The following HPSE2 variants were observed in gnomAD, a reference collection of about 807,000 sequenced individuals.
HPSE2 encodes inactive heparanase-2.
In HPSE2, 38 loss-of-function variants were observed where a neutral mutation model predicts 60.5. The observed-to-expected ratio is 0.63, with a 90% CI of 0.48 to 0.82. The LOEUF is 0.82. HPSE2 is among the 40% of genes least tolerant of loss of function. The pLI, the probability that HPSE2 is intolerant of heterozygous loss-of-function variation, is 0.00. For missense variants in HPSE2, 713 were observed against 740.4 expected (o/e 0.96, Z 0.43); for synonymous variants, 295 against 293.2 (o/e 1.01, Z -0.06).
At position 98,535,603 on chromosome 10, in the gene HPSE2, T is replaced by C. The variant is rs1244343510; in HGVS notation, c.1321-45407A>G. Among the ~76,000 whole-genome samples, 8 of 152,214 alleles carry C rather than the reference T, an allele frequency of 5.3e-5. No individual in the cohort carries two copies. The South Asian group carries it at 8.3e-4, about 16-fold the overall frequency. ...CTCCTCTAAGCGTATACTATTGATATATATATCTCAGTCTCTTTCTGTTGG... is the reference window on the plus strand; with the variant it reads ...CTCCTCTAAGCGTATACTATTGATACATATATCTCAGTCTCTTTCTGTTGG... On this transcript the variant is annotated intron_variant, in intron 9 of 11. Transcript: ENST00000370552.
chr10:98,737,803 C>G (rs1393758434), intron 4 of HPSE2, among the ~76,000 whole-genome samples: 1 of 152,090 alleles, frequency 6.6e-6, no homozygotes, highest in African/African-American at 2.4e-5. Context: ...GAACTACAAA[C>G]CATTGCTCAA....
chr10:99,019,612 A>G (rs192030143), intron 3 of HPSE2, among the ~76,000 whole-genome samples: 205 of 152,302 alleles, frequency 1.3e-3, no homozygotes, highest in African/African-American at 4.5e-3. Flanking sequence ...GATTTTCCTC[A>G]AAAGTTCATT....
At chr10:98,997,409 C>G in intron 3 of HPSE2, among the ~76,000 whole-genome samples, 1 of 152,234 alleles carries the variant, frequency 6.6e-6, no homozygotes, top group South Asian at 2.1e-4. Context: ...AGCCACTGTG[C>G]CCAGCCAAAA....
chr10:98,936,007 AG>A (rs1480372324), intron 3 of HPSE2, among the ~76,000 whole-genome samples: 1 of 144,470 alleles, frequency 6.9e-6, no homozygotes, highest in Non-Finnish European at 1.5e-5. Context: ...CTGCCCGGTG[AG>A]GGGGTATCTA....
rs1940186542 is a variant in HPSE2 at position 98,459,573 on chromosome 10, C to T, written c.*1G>A. 1.2e-6 allele frequency: 2 copies of T among 1,614,092 alleles called. No homozygotes were observed. Among genetic ancestry groups the T allele is most frequent in the Non-Finnish European group, 8.5e-7 (1 of 1,179,992 alleles). On this transcript the variant is annotated 3_prime_UTR_variant, in exon 12 of 12. Coordinates refer to ENST00000370552, the MANE Select transcript of HPSE2 (RefSeq NM_021828.5). ...CTGGTAGCCGTGAGTGTGAGGATAG[C>T]TTATCGGTAGCGGCAGGCCAAAGCA...
At chr10:98,941,279 G>C (rs1954991735) in intron 3 of HPSE2, among the ~76,000 whole-genome samples, 1 of 125,166 alleles carries the variant, frequency 8.0e-6, no homozygotes, top group Admixed American at 8.3e-5. Context: ...ATTAGGAAAA[G>C]AGGAAGTCAA....
At chr10:98,520,158 C>T (rs1042739993) in intron 9 of HPSE2, among the ~76,000 whole-genome samples, 3 of 152,206 alleles carry the variant, frequency 2.0e-5, no homozygotes, top group Non-Finnish European at 4.4e-5. Flanking sequence ...GGAGTTCTGT[C>T]TATCAATCCA....
intron 3 of HPSE2, among the ~76,000 whole-genome samples, chr10:98,919,331 T>C (rs887607826): frequency 3.9e-5 from 6 of 152,162 alleles, no homozygotes; most frequent in Non-Finnish European, 7.4e-5. Flanking sequence ...TGGACATAGA[T>C]AAATTCATGA....
At chr10:98,696,265 A>G (rs953734922) in intron 5 of HPSE2, among the ~76,000 whole-genome samples, 1 of 149,042 alleles carries the variant, frequency 6.7e-6, no homozygotes, top group Non-Finnish European at 1.5e-5. Flanking sequence ...ATAGCCAACT[A>G]GAAGCAGAGA....
intron 9 of HPSE2, among the ~76,000 whole-genome samples, chr10:98,582,861 C>T (rs1354401600): frequency 6.6e-6 from 1 of 152,108 alleles, no homozygotes; most frequent in Non-Finnish European, 1.5e-5. Context: ...TTTCATCACC[C>T]ACAAAAGAAA....
chr10:99,171,861 G>C (rs1448495931), intron 2 of HPSE2, among the ~76,000 whole-genome samples: 20 of 151,798 alleles, frequency 1.3e-4, no homozygotes, highest in Non-Finnish European at 2.9e-4. Context: ...CTTTCCCCTA[G>C]AGTGTCTAGG....
intron 3 of HPSE2, among the ~76,000 whole-genome samples, chr10:98,972,043 C>T (rs1305507921): frequency 6.6e-6 from 1 of 151,936 alleles, no homozygotes; most frequent in African/African-American, 2.4e-5. Context: ...AAATTATATC[C>T]CCTCGAGCCT....
At chr10:98,702,143 A>C (rs1948427228) in intron 5 of HPSE2, among the ~76,000 whole-genome samples, 1 of 152,162 alleles carries the variant, frequency 6.6e-6, no homozygotes, top group Non-Finnish European at 1.5e-5. Context: ...ACTCACACAA[A>C]AAGCAGGGGT....
rs149081400 is a variant in HPSE2, at chr10:98,890,079, T to C, written c.611-146023A>G. Among the ~76,000 whole-genome samples the C allele has an allele frequency of 1.6e-4, 25 of 152,324 alleles. No individual in the cohort carries two copies. In the East Asian group the frequency reaches 3.1e-3, roughly 19 times the overall value. On this transcript the variant is annotated intron_variant, in intron 3 of 11. Transcript: ENST00000370552. ...TAAGTTGTTTAACATAGTTATCTTA[T>C]ATGTAGTTGTCTGAAAGGGTGTTAC...
chr10:98,683,139 C>A (rs111289683), intron 6 of HPSE2, among the ~76,000 whole-genome samples: 1 of 151,994 alleles, frequency 6.6e-6, no homozygotes, highest in Non-Finnish European at 1.5e-5. Flanking sequence ...CCCTAATGAC[C>A]TAATCAAATC....
intron 11 of HPSE2, among the ~76,000 whole-genome samples, chr10:98,477,713 G>C (rs1941077831): frequency 6.6e-6 from 1 of 152,168 alleles, no homozygotes; most frequent in Non-Finnish European, 1.5e-5. Context: ...AGAGACACTG[G>C]AGATATTTAT....
chr10:98,740,865 C>A (rs1246730886), intron 4 of HPSE2, among the ~76,000 whole-genome samples: 1 of 152,026 alleles, frequency 6.6e-6, no homozygotes, highest in Admixed American at 6.6e-5. Context: ...ACATGTCTAC[C>A]ATGAAAATAT....
At chr10:98,462,133 A>G (rs2133578890) in intron 11 of HPSE2, among the ~76,000 whole-genome samples, 1 of 152,332 alleles carries the variant, frequency 6.6e-6, no homozygotes, top group East Asian at 1.9e-4. Flanking sequence ...ATAATGAACC[A>G]TATACTTAAG....
chr10:99,267,797 C>T, the HPSE2 span, among the ~76,000 whole-genome samples: 4 of 147,552 alleles, frequency 2.7e-5, no homozygotes, highest in East Asian at 6.0e-4. Flanking sequence ...AAACAAAAAA[C>T]AAACAAAAAA....
Sources: gnomAD v4.1 joint callset for allele counts (sites outside exome capture counted in the v4.1 genomes callset) on GRCh38, gnomAD v4.1.1 for gene constraint, MANE v1.5 for transcripts, NCBI Gene and HGNC (gene_info 2026-07-23, HGNC 2026-07-21) for gene names.